The following ZNF503 variants were observed in gnomAD, a reference collection of about 807,000 sequenced individuals.
ZNF503 encodes the protein zinc finger protein 503, also known as NocA-like zinc finger 2.
In ZNF503, 15 loss-of-function variants were observed where a neutral mutation model predicts 34.4. That is an observed-to-expected ratio of 0.44 (90% confidence interval 0.29 to 0.67). The LOEUF (loss-of-function observed/expected upper bound fraction) is 0.67. Ranked by LOEUF, ZNF503 falls within the 30% of genes least tolerant of loss-of-function variation. The pLI, the probability that ZNF503 is intolerant of heterozygous loss-of-function variation, is 0.13. For synonymous variants in ZNF503, 580 were observed against 456.8 expected (o/e 1.27, Z -3.44); for missense variants, 1,007 against 926.8 (o/e 1.09, Z -1.12).
the ZNF503 span, among the ~76,000 whole-genome samples, chr10:75,280,938 G>A: frequency 6.6e-6 from 1 of 152,156 alleles, no homozygotes; most frequent in African/African-American, 2.4e-5. Flanking sequence ...GTGATGTGGT[G>A]GGCGAGAGCG....
the ZNF503 span, among the ~76,000 whole-genome samples, chr10:75,285,879 A>G: frequency 6.6e-6 from 1 of 152,192 alleles, no homozygotes; most frequent in African/African-American, 2.4e-5. Context: ...AGACAAGAGA[A>G]TCATGTTCTA....
the ZNF503 span, among the ~76,000 whole-genome samples, chr10:75,324,330 T>TTG: frequency 5.8e-4 from 87 of 151,178 alleles, no homozygotes; most frequent in African/African-American, 2.0e-3. Context: ...GTTTTTCTGT[T>TTG]TTTTTTTTGA....
the ZNF503 span, chr10:75,280,041 T>C: frequency 6.6e-6 from 1 of 152,130 alleles, no homozygotes; most frequent in Non-Finnish European, 1.5e-5. Context: ...AAAAGAAAGG[T>C]ATATTTATTT....
chr10:75,370,701 C>A, the ZNF503 span, among the ~76,000 whole-genome samples: 1 of 141,196 alleles, frequency 7.1e-6, no homozygotes, highest in African/African-American at 2.7e-5. Context: ...ATCGCTTGAA[C>A]CTGGGAGGCA....
At chr10:75,366,075 C>G in the ZNF503 span, among the ~76,000 whole-genome samples, 1 of 152,328 alleles carries the variant, frequency 6.6e-6, no homozygotes, top group Non-Finnish European at 1.5e-5. Flanking sequence ...TAGTAGGTGA[C>G]AAGGAGTGAC....
chr10:75,401,034 C>G, intron 1 of ZNF503, 71 bp downstream of exon 1: 3 of 1,600,902 alleles, frequency 1.9e-6, no homozygotes, highest in Non-Finnish European at 2.6e-6. Flanking sequence ...GCCCAGATCC[C>G]GAGAAAAAGA....
At chr10:75,334,274 T>C in the ZNF503 span, among the ~76,000 whole-genome samples, 24 of 152,352 alleles carry the variant, frequency 1.6e-4, no homozygotes, top group Non-Finnish European at 2.9e-4. Context: ...AATTGATTAT[T>C]TTTAACAACA....
chr10:75,352,384 A>G, the ZNF503 span, among the ~76,000 whole-genome samples: 19 of 129,270 alleles, frequency 1.5e-4, no homozygotes, highest in African/African-American at 4.7e-4. Flanking sequence ...AAGATCTCCT[A>G]GCCTGTTGGG....
At chr10:75,333,591 C>A in the ZNF503 span, among the ~76,000 whole-genome samples, 8 of 50,766 alleles carry the variant, frequency 1.6e-4, no homozygotes, top group South Asian at 1.0e-3. Context: ...GGGGGCTGAC[C>A]CCCCCACCTT....
chr10:75,323,194 G>T, the ZNF503 span, among the ~76,000 whole-genome samples: 14 of 152,154 alleles, frequency 9.2e-5, no homozygotes, highest in Non-Finnish European at 2.1e-4. Context: ...TGTATGAATC[G>T]ATAGTTTGTT....
downstream of ZNF503, chr10:75,397,825 A>G (rs1843719639): frequency 6.6e-6 from 1 of 150,610 alleles, no homozygotes; most frequent in South Asian, 2.1e-4. Flanking sequence ...AAAAAAGATA[A>G]GAAGAAGAAG....
chr10:75,349,619 G>A, the ZNF503 span, among the ~76,000 whole-genome samples: 124 of 152,294 alleles, frequency 8.1e-4, no homozygotes, highest in Middle Eastern at 0.01. Flanking sequence ...GCCGGGATTA[G>A]GTCTGTCTGA....
the ZNF503 span, among the ~76,000 whole-genome samples, chr10:75,380,405 T>A: frequency 2.0e-5 from 3 of 152,078 alleles, no homozygotes; most frequent in Admixed American, 6.6e-5. Flanking sequence ...GAGCTGGAGT[T>A]TGAACCCAGA....
At chr10:75,286,248 G>GCACT in the ZNF503 span, among the ~76,000 whole-genome samples, 1 of 147,734 alleles carries the variant, frequency 6.8e-6, no homozygotes, top group East Asian at 2.0e-4. Flanking sequence ...GTGCGCCACT[G>GCACT]CACTCCAGCC....
the ZNF503 span, among the ~76,000 whole-genome samples, chr10:75,387,980 G>T: frequency 6.6e-6 from 1 of 152,202 alleles, no homozygotes; most frequent in Non-Finnish European, 1.5e-5. Flanking sequence ...TGTGGGAGGA[G>T]GGGTCCAGGA....
chr10:75,298,229 T>C, the ZNF503 span, among the ~76,000 whole-genome samples: 2 of 152,226 alleles, frequency 1.3e-5, no homozygotes, highest in African/African-American at 4.8e-5. Flanking sequence ...AAGCCTACAC[T>C]TTAGAAGGTA....
the ZNF503 span, among the ~76,000 whole-genome samples, chr10:75,389,532 C>G: frequency 6.6e-6 from 1 of 152,160 alleles, no homozygotes; most frequent in African/African-American, 2.4e-5. Flanking sequence ...GAGTTCGAGA[C>G]CAGCTTGGCC....
At position 75,399,196 on chromosome 10, in the gene ZNF503, G is replaced by A; in HGVS notation, c.1494C>T (p.His498=). 6.2e-7 allele frequency: 1 copy of A among 1,602,076 alleles called. No individual in the cohort carries two copies. Among genetic ancestry groups the A allele is most frequent in the Non-Finnish European group, 8.5e-7 (1 of 1,172,744 alleles). The part of the protein sequence containing the change: ...AGATPPSLAG[H]PLYPYGFMLP... ...GCATAAAGCCGTAGGGGTAGAGGGG[G>A]TGGCCGGCCAGGGAGGGCGGTGTGG... The change falls in exon 2 of 2, where the codon CAC becomes CAT. Residue 498 remains histidine, a synonymous_variant. Coordinates refer to ENST00000372524, the MANE Select transcript of ZNF503 (RefSeq NM_032772.6).
At chr10:75,352,275 G>C in the ZNF503 span, among the ~76,000 whole-genome samples, 1 of 152,224 alleles carries the variant, frequency 6.6e-6, no homozygotes, top group Admixed American at 6.5e-5. Flanking sequence ...GAGAGGCAAG[G>C]CCCTGCCCTC....
Sources: allele counts gnomAD v4.1 joint callset (sites outside exome capture counted in the v4.1 genomes callset), GRCh38; gene constraint gnomAD v4.1.1; transcripts MANE v1.5; gene names NCBI Gene and HGNC (gene_info 2026-07-23, HGNC 2026-07-21).